Variants in NOPCHAP1 observed in about 807,000 individuals in gnomAD.
NOPCHAP1 encodes NOP protein chaperone 1.
NOPCHAP1 carries 13 observed loss-of-function variants against 14.0 expected under a neutral mutation model. The ratio of observed to expected loss-of-function variants is 0.93; its 90% confidence interval spans 0.60 to 1.47. NOPCHAP1 has a LOEUF of 1.47. Among genes scored for constraint, NOPCHAP1 ranks in the 40% most tolerant of loss-of-function variants. The probability of loss-of-function intolerance (pLI) is 0.00; values close to 1 mark genes in which losing one functional copy is unlikely to be tolerated. For synonymous variants in NOPCHAP1, 78 were observed against 78.4 expected, an observed-to-expected ratio of 1.00 and a Z score of 0.03; for missense variants, 230 against 226.9, an observed-to-expected ratio of 1.01 and a Z score of -0.09.
rs1873538333 is a variant in NOPCHAP1 at position 104,998,368 on chromosome 12, C to T, written c.*3672C>T. The T allele has an allele frequency of 6.6e-6, 1 of 152,120 alleles. No homozygotes were observed. The highest frequency in any genetic ancestry group is 1.9e-4 in the East Asian group (1 of 5,196). 9.4% of individuals were successfully genotyped at this position (152,120 alleles called of 1,614,324 possible). Reference sequence around the variant, plus strand: ...GGATGATTTTTTTTCTTTTATCCTACTTTATGTCCTTGTGTGTTTAATTGT... The same window carrying T: ...GGATGATTTTTTTTCTTTTATCCTATTTTATGTCCTTGTGTGTTTAATTGT... On this transcript the variant is annotated 3_prime_UTR_variant, in exon 4 of 4. Coordinates refer to ENST00000552951, the MANE Select transcript of NOPCHAP1 (RefSeq NM_152318.3).
rs77172609 is a variant in NOPCHAP1 at position 104,995,039 on chromosome 12, A to G, written c.*343A>G. 17,808 of 314,290 alleles carry G rather than the reference A, an allele frequency of 0.057. 753 individuals carry two copies. Among genetic ancestry groups the G allele is most frequent in the East Asian group, 0.18 (1,773 of 9,868 alleles). The allele number at this position is 314,290 out of a possible 1,614,324, so 19.5% of individuals were successfully genotyped here. The stretch of plus-strand genomic sequence containing the variant: ...GAGACCTAAGGCTGCCTGATGTCCC[A>G]TAGGTATGGTCTGATCTAAGGAGAT... On this transcript the variant is annotated 3_prime_UTR_variant, in exon 4 of 4. Transcript: ENST00000552951.
rs1042885184 is a variant in NOPCHAP1 at position 105,001,305 on chromosome 12, T to C, written c.*6609T>C. 4 of 152,170 alleles carry C rather than the reference T, an allele frequency of 2.6e-5. No individual in the cohort carries two copies. Among genetic ancestry groups the C allele is most frequent in the Admixed American group, 6.5e-5 (1 of 15,276 alleles). The allele number at this position is 152,170 out of a possible 1,614,324, so 9.4% of individuals were successfully genotyped here. A position where few individuals can be genotyped will look rare whatever the true frequency, so the allele number is the denominator to read the frequency against. On this transcript the variant is annotated 3_prime_UTR_variant, in exon 4 of 4. Transcript: ENST00000552951. ...ACACAAAGACTTTTATAAGAACATA[T>C]TGTTATCCCATTAAGGGTGGCAATT...
chr12:104,986,651 A>ACCCGGCTGCGGGCC (rs1247504475), intron 1 of NOPCHAP1, among the ~76,000 whole-genome samples, 184 bp downstream of exon 1: 16 of 152,006 alleles, frequency 1.1e-4, no homozygotes, highest in African/African-American at 3.6e-4. Context: ...TGGGGCGGGC[A>ACCCGGCTGCGGGCC]CCCGGCTGCG....
chr12:104,992,031 GT>G (rs998042485), intron 3 of NOPCHAP1, among the ~76,000 whole-genome samples, 183 bp downstream of exon 3: 12 of 152,024 alleles, frequency 7.9e-5, no homozygotes, highest in African/African-American at 2.9e-4. Context: ...TCACAGGAAG[GT>G]TTTTTTTCCT....
At position 105,003,341 on chromosome 12, in the gene NOPCHAP1, A is replaced by G. The variant is rs1462470569; in HGVS notation, c.*8645A>G. 1 of 152,288 alleles carries G rather than the reference A, an allele frequency of 6.6e-6. No individual in the cohort carries two copies. The highest frequency in any genetic ancestry group is 6.5e-5 in the Admixed American group (1 of 15,294). 9.4% of individuals were successfully genotyped at this position (152,288 alleles called of 1,614,324 possible). ...TACACGAAATTGGCTATAGTTCCAG[A>G]TGGAGGAGTTCTAGACTCCATGGAT... On this transcript the variant is annotated 3_prime_UTR_variant, in exon 4 of 4. Coordinates refer to ENST00000552951, the MANE Select transcript of NOPCHAP1 (RefSeq NM_152318.3).
rs1339473703 is a variant in NOPCHAP1, at chr12:105,002,578, A to T, written c.*7882A>T. The T allele has an allele frequency of 6.6e-6, 1 of 152,192 alleles. No homozygotes were observed. Among genetic ancestry groups the T allele is most frequent in the Non-Finnish European group, 1.5e-5 (1 of 68,036 alleles). 9.4% of individuals were successfully genotyped at this position (152,192 alleles called of 1,614,324 possible). A position where few individuals can be genotyped will look rare whatever the true frequency, so the allele number is the denominator to read the frequency against. On this transcript the variant is annotated 3_prime_UTR_variant, in exon 4 of 4. Transcript: ENST00000552951. ...TTTGTAGCAAAATCTTAGGAATTGA[A>T]TTTTAAAGGTTTTCAACAATTTTTC...
Position 105,013,845 on chromosome 12 carries a change from C to G in NOPCHAP1, c.*19149C>G, listed in dbSNP as rs1322563222. On this transcript the variant is annotated 3_prime_UTR_variant, in exon 4 of 4. Transcript: ENST00000552951. ...CCTTCTTCTGCTCCCCATCCATGGG[C>G]TGTACCCACTGTCTAACCAGTCCCA... 1.3e-5 allele frequency: 2 copies of G among 152,634 alleles called. No homozygotes were observed. Among genetic ancestry groups the G allele is most frequent in the African/African-American group, 2.4e-5 (1 of 41,428 alleles). 9.5% of individuals were successfully genotyped at this position (152,634 alleles called of 1,614,324 possible).
intron 3 of NOPCHAP1, among the ~76,000 whole-genome samples, chr12:104,992,287 G>A (rs1379500484): frequency 6.6e-6 from 1 of 152,196 alleles, no homozygotes; most frequent in African/African-American, 2.4e-5. Context: ...GGACCAAGCT[G>A]AGACAATTGT....
intron 3 of NOPCHAP1, 75 bp from the exon 4 acceptor site, chr12:104,994,403 C>T: frequency 7.7e-7 from 1 of 1,299,294 alleles, no homozygotes; most frequent in Non-Finnish European, 1.1e-6. Flanking sequence ...AATGTTGGTT[C>T]TTCCCAATAT....
At position 105,017,498 on chromosome 12, in the gene NOPCHAP1, C is replaced by CAAAAAAAAAAAAAAAAAAAAAAAAAAAA. The variant is rs5800643; in HGVS notation, c.*22825_*22826insAAAAAAAAAAAAAAAAAAAAAAAAAAAA. 1.1e-5 allele frequency: 1 copy of CAAAAAAAAAAAAAAAAAAAAAAAAAAAA among 90,928 alleles called. No homozygotes were observed. Among genetic ancestry groups the CAAAAAAAAAAAAAAAAAAAAAAAAAAAA allele is most frequent in the African/African-American group, 4.1e-5 (1 of 24,452 alleles). The allele number at this position is 90,928 out of a possible 1,614,324, so 5.6% of individuals were successfully genotyped here. ...TGGGTGACAGAGAGACAGACTGTCT[C>CAAAAAAAAAAAAAAAAAAAAAAAAAAAA]AAAAAAAAAAAAAAAAAAAAAAATG... On this transcript the variant is annotated 3_prime_UTR_variant, in exon 4 of 4. Coordinates refer to ENST00000552951, the MANE Select transcript of NOPCHAP1 (RefSeq NM_152318.3).
At chr12:104,993,938 T>C (rs2136027198) in intron 3 of NOPCHAP1, among the ~76,000 whole-genome samples, 1 of 152,328 alleles carries the variant, frequency 6.6e-6, no homozygotes, top group Middle Eastern at 3.4e-3. Context: ...GTTTAGGGTA[T>C]ATAGAATTGG....
At position 105,003,514 on chromosome 12, in the gene NOPCHAP1, G is replaced by A. The variant is rs374095799; in HGVS notation, c.*8818G>A. On this transcript the variant is annotated 3_prime_UTR_variant, in exon 4 of 4. Coordinates refer to ENST00000552951, the MANE Select transcript of NOPCHAP1 (RefSeq NM_152318.3). ...ATCTGTGTAGCTTTAATCTGAAAGG[G>A]AAATCACACACAACCTCCAGTTGCT... is the stretch of plus-strand genomic sequence containing the variant. 16 of 152,294 alleles carry A rather than the reference G, an allele frequency of 1.1e-4. No homozygotes were observed. The East Asian group carries it at 2.5e-3, about 24-fold the overall frequency. The allele number at this position is 152,294 out of a possible 1,614,324, so 9.4% of individuals were successfully genotyped here. A position where few individuals can be genotyped will look rare whatever the true frequency, so the allele number is the denominator to read the frequency against.
In NOPCHAP1 at chr12:104,986,529, C is replaced by T. The variant is rs923219424; in HGVS notation, c.115+62C>T. ...TGCGGCAGAGGAGGCGCGGCCGGTG[C>T]AGTTTGGGAGCCGGCCGGTGGCTCC... On this transcript the variant is annotated intron_variant, in intron 1 of 3. Transcript: ENST00000552951. The T allele has an allele frequency of 7.1e-6, 10 of 1,404,858 alleles. No homozygotes were observed. In the African/African-American group the frequency reaches 1.3e-4, roughly 19 times the overall value. The allele number at this position is 1,404,858 out of a possible 1,614,324, so 87.0% of individuals were successfully genotyped here. A position where few individuals can be genotyped will look rare whatever the true frequency, so the allele number is the denominator to read the frequency against.
chr12:104,994,715 A>T lies in NOPCHAP1; in HGVS notation c.*19A>T, dbSNP rs1176207530. On this transcript the variant is annotated 3_prime_UTR_variant, in exon 4 of 4. Coordinates refer to ENST00000552951, the MANE Select transcript of NOPCHAP1 (RefSeq NM_152318.3). ...GAAATAGTCAAATAAATTATCTGAA[A>T]AGAAACAGGTGACATATGTCTGCAA... The T allele has an allele frequency of 6.3e-7, 1 of 1,581,070 alleles. No homozygotes were observed.
At position 105,010,069 on chromosome 12, in the gene NOPCHAP1, A is replaced by G. The variant is rs575897420; in HGVS notation, c.*15373A>G. 3 of 152,296 alleles carry G rather than the reference A, an allele frequency of 2.0e-5. No individual in the cohort carries two copies. The South Asian group carries it at 6.2e-4, about 32-fold the overall frequency. The allele number at this position is 152,296 out of a possible 1,614,324, so 9.4% of individuals were successfully genotyped here. Reference sequence around the variant, plus strand: ...AGCTCCTTTTTGTATCTCTGATAGAATTCTGCTGTGAATCCTTCAGGTCCT... The same window carrying G: ...AGCTCCTTTTTGTATCTCTGATAGAGTTCTGCTGTGAATCCTTCAGGTCCT... On this transcript the variant is annotated 3_prime_UTR_variant, in exon 4 of 4. Coordinates refer to ENST00000552951, the MANE Select transcript of NOPCHAP1 (RefSeq NM_152318.3).
rs952189185 is a variant in NOPCHAP1 at position 104,998,096 on chromosome 12, A to C, written c.*3400A>C. 5 of 152,008 alleles carry C rather than the reference A, an allele frequency of 3.3e-5. No individual in the cohort carries two copies. Among genetic ancestry groups the C allele is most frequent in the Non-Finnish European group, 5.9e-5 (4 of 68,004 alleles). The allele number at this position is 152,008 out of a possible 1,614,324, so 9.4% of individuals were successfully genotyped here. ...CGTTTTGTTTATCAGCTTCTGTATC[A>C]TTTTATTGTAATCCTTAGATTCCAC... is the stretch of plus-strand genomic sequence containing the variant. On this transcript the variant is annotated 3_prime_UTR_variant, in exon 4 of 4. Coordinates refer to ENST00000552951, the MANE Select transcript of NOPCHAP1 (RefSeq NM_152318.3).
Position 105,011,985 on chromosome 12 carries a change from G to A in NOPCHAP1, c.*17289G>A, listed in dbSNP as rs918490926. 2 of 152,032 alleles carry A rather than the reference G, an allele frequency of 1.3e-5. No individual in the cohort carries two copies. The highest frequency in any genetic ancestry group is 2.4e-5 in the African/African-American group (1 of 41,370). 9.4% of individuals were successfully genotyped at this position (152,032 alleles called of 1,614,324 possible). A position where few individuals can be genotyped will look rare whatever the true frequency, so the allele number is the denominator to read the frequency against. On this transcript the variant is annotated 3_prime_UTR_variant, in exon 4 of 4. Coordinates refer to ENST00000552951, the MANE Select transcript of NOPCHAP1 (RefSeq NM_152318.3). Reference sequence around the variant, plus strand: ...TATGTGTCTTGGGGTTGCTCTTCTCGAGGAATATCTTCATGGTGTTCTCTG... The same window carrying A: ...TATGTGTCTTGGGGTTGCTCTTCTCAAGGAATATCTTCATGGTGTTCTCTG...
rs1873529185 is a variant in NOPCHAP1 at position 104,997,890 on chromosome 12, CATTCTTT to C, written c.*3198_*3204del. ...TCCCATATTTCTCGGAAGTTTTGTC[CATTCTTT>C]ATTGTTTTTTTTCTCCAATAAAGAA... On this transcript the variant is annotated 3_prime_UTR_variant, in exon 4 of 4. Coordinates refer to ENST00000552951, the MANE Select transcript of NOPCHAP1 (RefSeq NM_152318.3). 1 of 152,160 alleles carries C rather than the reference CATTCTTT, an allele frequency of 6.6e-6. No homozygotes were observed. The highest frequency in any genetic ancestry group is 2.4e-5 in the African/African-American group (1 of 41,428). The allele number at this position is 152,160 out of a possible 1,614,324, so 9.4% of individuals were successfully genotyped here.
rs1425077275 is a variant in NOPCHAP1 at position 105,010,906 on chromosome 12, A to C, written c.*16210A>C. On this transcript the variant is annotated 3_prime_UTR_variant, in exon 4 of 4. Transcript: ENST00000552951. ...AGTGTTTTACTTCAATTATGTGGTC[A>C]ATTTTAGAAAAAGTGTGATGTGGTG... The C allele has an allele frequency of 6.6e-6, 1 of 152,204 alleles. No individual in the cohort carries two copies. The highest frequency in any genetic ancestry group is 1.5e-5 in the Non-Finnish European group (1 of 68,044). The allele number at this position is 152,204 out of a possible 1,614,324, so 9.4% of individuals were successfully genotyped here.
Sources: allele counts gnomAD v4.1 joint callset (sites outside exome capture counted in the v4.1 genomes callset), GRCh38; gene constraint gnomAD v4.1.1; transcripts MANE v1.5; gene names NCBI Gene and HGNC (gene_info 2026-07-23, HGNC 2026-07-21).